The following MON2 variants were observed in gnomAD, a reference collection of about 807,000 sequenced individuals.
The protein encoded by MON2 is MON2 regulator of endosome-to-Golgi trafficking.
MON2 carries 84 observed loss-of-function variants against 208.6 expected under a neutral mutation model. That is an observed-to-expected ratio of 0.40 (90% CI 0.34 to 0.48). The LOEUF (loss-of-function observed/expected upper bound fraction) is 0.48. Among genes scored for constraint, MON2 ranks in the 20% least tolerant of loss-of-function variants. The pLI, the probability that MON2 is intolerant of heterozygous loss-of-function variation, is 0.59. For synonymous variants in MON2, 660 were observed against 694.0 expected (o/e 0.95, Z 0.77); for missense variants, 1,611 against 2,015.4 (o/e 0.80, Z 3.84).
chr12:62,568,126 G>A (rs764840293), intron 29 of MON2, among the ~76,000 whole-genome samples: 3 of 152,162 alleles, frequency 2.0e-5, no homozygotes, highest in Non-Finnish European at 4.4e-5. Flanking sequence ...AAAAAGTTAA[G>A]AGTTAGGTTA....
intron 28 of MON2, 130 bp from the exon 29 acceptor site, chr12:62,566,192 T>G: frequency 7.4e-7 from 1 of 1,345,120 alleles, no homozygotes; most frequent in Non-Finnish European, 1.0e-6. Context: ...TTTGAAAACT[T>G]TGCATGTAAT....
chr12:62,543,472 T>G (rs1480751016), intron 20 of MON2, among the ~76,000 whole-genome samples: 1 of 152,220 alleles, frequency 6.6e-6, no homozygotes, highest in Non-Finnish European at 1.5e-5. Flanking sequence ...TGCCTTTCTT[T>G]TATCATACAG....
intron 23 of MON2, among the ~76,000 whole-genome samples, chr12:62,552,154 A>G (rs952760192): frequency 1.3e-5 from 2 of 152,192 alleles, no homozygotes; most frequent in African/African-American, 4.8e-5. Flanking sequence ...ACACCATTTT[A>G]TATAACAGAC....
chr12:62,515,592 G>C (rs1368178272), intron 8 of MON2, among the ~76,000 whole-genome samples: 1 of 152,078 alleles, frequency 6.6e-6, no homozygotes, highest in Non-Finnish European at 1.5e-5. Context: ...AAGGTGGATG[G>C]ATCACCTGAG....
At chr12:62,501,115 A>G (rs933351257) in intron 6 of MON2, among the ~76,000 whole-genome samples, 33 of 152,316 alleles carry the variant, frequency 2.2e-4, no homozygotes, top group African/African-American at 7.5e-4. Flanking sequence ...GAAAACAGGT[A>G]TATCAGAAAC....
At chr12:62,479,960 C>T (rs367664924) in intron 1 of MON2, among the ~76,000 whole-genome samples, 16 of 151,998 alleles carry the variant, frequency 1.1e-4, no homozygotes, top group East Asian at 1.9e-4. Flanking sequence ...AATCTGATTG[C>T]GAAGACCTCT....
chr12:62,563,439 C>G lies in MON2; in HGVS notation c.4033-1798C>G, dbSNP rs2136360579. Among the ~76,000 whole-genome samples, 5 of 152,190 alleles carry G rather than the reference C, an allele frequency of 3.3e-5. 1 individual carries two copies. The Middle Eastern group carries it at 0.014, about 414-fold the overall frequency. ...TGAAACCTTAAACAATATAAGAAATCAGGTGTTCAATATTTTTTCTTGTCT... is the reference window on the plus strand; with the variant it reads ...TGAAACCTTAAACAATATAAGAAATGAGGTGTTCAATATTTTTTCTTGTCT... On this transcript the variant is annotated intron_variant, in intron 26 of 34. Transcript: ENST00000393630.
chr12:62,473,103 T>C (rs1342258330), intron 1 of MON2, among the ~76,000 whole-genome samples: 1 of 152,188 alleles, frequency 6.6e-6, no homozygotes, highest in Non-Finnish European at 1.5e-5. Context: ...ATGAGTCTCC[T>C]AAAAAAGCAC....
At position 62,471,329 on chromosome 12, in the gene MON2, C is replaced by T. The variant is rs150987230; in HGVS notation, c.111+4011C>T. 2.7e-3 allele frequency among the ~76,000 whole-genome samples: 417 copies of T among 152,218 alleles called. 2 individuals are homozygous for T. The highest frequency in any genetic ancestry group is 9.7e-3 in the African/African-American group (402 of 41,524). ...TCCTGAGTACCTGGGATCACAGGCG[C>T]GTGCCACCACACCTGGCTAATTTTT... On this transcript the variant is annotated intron_variant, in intron 1 of 34. Transcript: ENST00000393630.
At chr12:62,492,861 C>T (rs193093867) in intron 2 of MON2, among the ~76,000 whole-genome samples, 1,723 of 151,576 alleles carry the variant, frequency 0.011, 38 homozygotes, top group African/African-American at 0.039. Flanking sequence ...TGCCTGTAAT[C>T]CCAGCTACTT....
At chr12:62,535,400 T>C in intron 13 of MON2, 125 bp from the exon 14 acceptor site, 2 of 744,966 alleles carry the variant, frequency 2.7e-6, no homozygotes, top group South Asian at 2.4e-5. Flanking sequence ...AGTATATTGG[T>C]AATATTTTGA....
At chr12:62,494,880 A>T in intron 3 of MON2, 136 bp from the exon 4 acceptor site, 1 of 537,996 alleles carries the variant, frequency 1.9e-6, no homozygotes, top group Non-Finnish European at 3.0e-6. Flanking sequence ...GGATCTAGAA[A>T]TCTAAAAATA....
At chr12:62,572,194 C>A (rs1243294802) in intron 30 of MON2, among the ~76,000 whole-genome samples, 1 of 152,120 alleles carries the variant, frequency 6.6e-6, no homozygotes, top group East Asian at 1.9e-4. Context: ...TAATTAAAAC[C>A]AAACTTTAAA....
intron 8 of MON2, among the ~76,000 whole-genome samples, chr12:62,510,487 G>T (rs1368741949): frequency 6.6e-6 from 1 of 152,066 alleles, no homozygotes; most frequent in African/African-American, 2.4e-5. Context: ...CAACATACAA[G>T]AATCAGTTAA....
chr12:62,580,196 A>T, intron 31 of MON2, 101 bp from the exon 32 acceptor site: 2 of 1,145,662 alleles, frequency 1.7e-6, no homozygotes, highest in Non-Finnish European at 2.5e-6. Context: ...AGAGTTCTTT[A>T]ACTGATTTTC....
In MON2 at chr12:62,553,029, G is replaced by A. The variant is rs2073816226; in HGVS notation, c.3065G>A (p.Trp1022Ter). ...CCTGCACCGCCATTTGATTGCTTGT[G>A]GTTATGTCTTTATGCAAAATTGGGT... ...FHPAPPFDCL[W>*]LCLYAKLGEL... The change falls in exon 24 of 35, where the codon TGG becomes TAG. Residue 1022 changes from tryptophan (W) to a stop codon, truncating the protein, a stop_gained. Transcript: ENST00000393630. LOFTEE classifies it high-confidence loss of function. 6.2e-7 allele frequency: 1 copy of A among 1,614,024 alleles called. No individual in the cohort carries two copies.
intron 32 of MON2, among the ~76,000 whole-genome samples, chr12:62,582,353 C>T (rs1316275661): frequency 6.6e-6 from 1 of 152,202 alleles, no homozygotes; most frequent in Non-Finnish European, 1.5e-5. Flanking sequence ...GTCTTCTCAG[C>T]ACTAACTTGG....
At chr12:62,556,254 C>T (rs2073961255) in intron 25 of MON2, 62 bp downstream of exon 25, 1 of 1,437,938 alleles carries the variant, frequency 7.0e-7, no homozygotes, top group East Asian at 2.4e-5. Flanking sequence ...TTGGAAAATA[C>T]AGACGATTCT....
At chr12:62,519,374 G>GT (rs1283070142) in intron 8 of MON2, among the ~76,000 whole-genome samples, 2 of 152,202 alleles carry the variant, frequency 1.3e-5, no homozygotes, top group Non-Finnish European at 2.9e-5. Flanking sequence ...CAAGACAGAG[G>GT]TATCAGGACC....
Sources: allele counts gnomAD v4.1 joint callset (sites outside exome capture counted in the v4.1 genomes callset), GRCh38; gene constraint gnomAD v4.1.1; transcripts MANE v1.5; gene names NCBI Gene and HGNC (gene_info 2026-07-23, HGNC 2026-07-21).